SLC35F1: variants seen among roughly 807,000 people sequenced by gnomAD.
SLC35F1 encodes solute carrier family 35 member F1, also known as chromosome 6 open reading frame 169.
In SLC35F1, 14 loss-of-function variants were observed where a neutral mutation model predicts 48.7. The ratio of observed to expected loss-of-function variants is 0.29; its 90% confidence interval spans 0.19 to 0.45. The LOEUF (loss-of-function observed/expected upper bound fraction) is 0.45. Ranked by LOEUF, SLC35F1 falls within the 20% of genes least tolerant of loss-of-function variation. The probability of loss-of-function intolerance (pLI) is 1.00; values close to 1 mark genes in which losing one functional copy is unlikely to be tolerated. For missense variants in SLC35F1, 404 were observed against 500.0 expected (o/e 0.81, Z 1.83); for synonymous variants, 190 against 202.2 (o/e 0.94, Z 0.51).
chr6:118,106,185 C>A (rs1309844110), intron 1 of SLC35F1, among the ~76,000 whole-genome samples: 1 of 152,104 alleles, frequency 6.6e-6, no homozygotes, highest in Non-Finnish European at 1.5e-5. Flanking sequence ...GAAGAGCACA[C>A]CCTCCTCATA....
intron 1 of SLC35F1, among the ~76,000 whole-genome samples, chr6:117,974,233 A>G (rs941699312): frequency 1.3e-5 from 2 of 152,212 alleles, no homozygotes; most frequent in Non-Finnish European, 2.9e-5. Context: ...CATATACTTA[A>G]TCAGTGTTAG....
chr6:118,183,241 T>A (rs1774608825), intron 2 of SLC35F1, among the ~76,000 whole-genome samples: 1 of 152,184 alleles, frequency 6.6e-6, no homozygotes, highest in Non-Finnish European at 1.5e-5. Flanking sequence ...TATTTCATGG[T>A]CACAGTTTAA....
intron 1 of SLC35F1, among the ~76,000 whole-genome samples, chr6:117,936,682 A>T (rs192739059): frequency 6.6e-6 from 1 of 152,314 alleles, no homozygotes; most frequent in East Asian, 1.9e-4. Flanking sequence ...GTAGATAGGC[A>T]TAAAGGCTTA....
At chr6:118,211,927 T>C (rs552789043) in intron 2 of SLC35F1, among the ~76,000 whole-genome samples, 1 of 152,222 alleles carries the variant, frequency 6.6e-6, no homozygotes, top group Non-Finnish European at 1.5e-5. Context: ...TATCATGTGG[T>C]AGACATTAAA....
rs1342396608 is a variant in SLC35F1 at position 118,212,931 on chromosome 6, A to G, written c.350-22578A>G. Among the ~76,000 whole-genome samples, 8 of 152,360 alleles carry G rather than the reference A, an allele frequency of 5.3e-5. No individual in the cohort carries two copies. In the South Asian group the frequency reaches 1.2e-3, roughly 24 times the overall value. ...CTAGTGTTTGAACATCATTTATATC[A>G]GGAAATAATTCCTATCTAACCTGAA... On this transcript the variant is annotated intron_variant, in intron 2 of 7. Coordinates refer to ENST00000360388, the MANE Select transcript of SLC35F1 (RefSeq NM_001029858.4).
At chr6:118,075,071 TGAA>T (rs767848755) in intron 1 of SLC35F1, among the ~76,000 whole-genome samples, 10 of 152,212 alleles carry the variant, frequency 6.6e-5, no homozygotes, top group Admixed American at 4.6e-4. Context: ...TCAGTCTAAA[TGAA>T]GAATGATGAA....
At chr6:117,933,693 G>A (rs1776129952) in intron 1 of SLC35F1, among the ~76,000 whole-genome samples, 1 of 152,196 alleles carries the variant, frequency 6.6e-6, no homozygotes, top group South Asian at 2.1e-4. Context: ...CCACTGGTGA[G>A]TGCCAGAGGC....
At chr6:118,092,720 T>C (rs2114347267) in intron 1 of SLC35F1, among the ~76,000 whole-genome samples, 1 of 152,280 alleles carries the variant, frequency 6.6e-6, no homozygotes, top group East Asian at 1.9e-4. Flanking sequence ...GTGTGAGACA[T>C]GGAGTCAAAT....
At chr6:118,228,550 C>T (rs1775248514) in intron 2 of SLC35F1, among the ~76,000 whole-genome samples, 1 of 151,912 alleles carries the variant, frequency 6.6e-6, no homozygotes, top group Admixed American at 6.6e-5. Flanking sequence ...AAAAATTGGT[C>T]AGATATGGTG....
At chr6:118,032,109 A>G (rs1370444653) in intron 1 of SLC35F1, among the ~76,000 whole-genome samples, 1 of 152,226 alleles carries the variant, frequency 6.6e-6, no homozygotes, top group Non-Finnish European at 1.5e-5. Flanking sequence ...TATATTAACA[A>G]TGATGCTTAA....
chr6:117,958,448 A>G (rs769490917), intron 1 of SLC35F1, among the ~76,000 whole-genome samples: 4 of 152,180 alleles, frequency 2.6e-5, no homozygotes, highest in African/African-American at 7.2e-5. Context: ...TCACTGACTC[A>G]CCCAGAGAAA....
At position 118,314,188 on chromosome 6, in the gene SLC35F1, C is replaced by T; in HGVS notation, c.1163C>T (p.Pro388Leu). The change falls in exon 8 of 8, where the codon CCC becomes CTC. Residue 388 changes from proline to leucine, a missense_variant. By Grantham distance (98) the Pro-to-Leu change is moderately conservative. Around this residue, in one of 2 missense-constraint regions of SLC35F1, gnomAD observed 306 missense variants for 419.1 expected, o/e 0.73. Coordinates refer to ENST00000360388, the MANE Select transcript of SLC35F1 (RefSeq NM_001029858.4). ...VDLPTTAQVE[P>L]SVTYTSLGQE... ...TTACCGACCACAGCTCAGGTGGAAC[C>T]CTCAGTCACCTACACCAGCCTGGGC... The T allele has an allele frequency of 3.7e-6, 6 of 1,614,152 alleles. No homozygotes were observed. The highest frequency in any genetic ancestry group is 5.1e-6 in the Non-Finnish European group (6 of 1,180,030).
At chr6:118,270,195 C>A (rs1464226403) in intron 4 of SLC35F1, among the ~76,000 whole-genome samples, 2 of 152,158 alleles carry the variant, frequency 1.3e-5, no homozygotes, top group Non-Finnish European at 2.9e-5. Flanking sequence ...TTCAAAGTTT[C>A]TTTGACTTCA....
At chr6:118,242,640 T>G (rs963275785) in intron 3 of SLC35F1, among the ~76,000 whole-genome samples, 3 of 152,236 alleles carry the variant, frequency 2.0e-5, no homozygotes, top group Admixed American at 2.0e-4. Flanking sequence ...TTTTCAAAGC[T>G]ACGCTATTTT....
chr6:118,259,943 T>A (rs1775691573), intron 3 of SLC35F1, among the ~76,000 whole-genome samples: 1 of 152,120 alleles, frequency 6.6e-6, no homozygotes, highest in African/African-American at 2.4e-5. Context: ...GCAGTATTAT[T>A]TATAATAACC....
At chr6:118,185,696 C>A (rs1774645891) in intron 2 of SLC35F1, among the ~76,000 whole-genome samples, 1 of 152,142 alleles carries the variant, frequency 6.6e-6, no homozygotes, top group Non-Finnish European at 1.5e-5. Context: ...TGGCTTGCCA[C>A]TCAGACAAGG....
intron 2 of SLC35F1, among the ~76,000 whole-genome samples, chr6:118,160,862 T>C (rs553001604): frequency 7.2e-5 from 11 of 151,762 alleles, no homozygotes; most frequent in African/African-American, 2.7e-4. Context: ...TAAATAAAAA[T>C]TCTTCTGAGA....
intron 1 of SLC35F1, among the ~76,000 whole-genome samples, chr6:118,052,592 C>A (rs1337613258): frequency 1.3e-5 from 2 of 152,120 alleles, no homozygotes; most frequent in Non-Finnish European, 2.9e-5. Context: ...ACCTTCTTTT[C>A]AAATCACTTT....
intron 1 of SLC35F1, among the ~76,000 whole-genome samples, chr6:118,113,841 G>A (rs1773441552): frequency 6.6e-6 from 1 of 152,102 alleles, no homozygotes; most frequent in Admixed American, 6.6e-5. Context: ...TAATAATGTT[G>A]TGCTATTTTA....
Sources: allele counts gnomAD v4.1 joint callset (sites outside exome capture counted in the v4.1 genomes callset), GRCh38; gene constraint gnomAD v4.1.1; regional missense constraint gnomAD v4.1.1; transcripts MANE v1.5; gene names NCBI Gene and HGNC (gene_info 2026-07-23, HGNC 2026-07-21).